ACTN4: variants seen among roughly 807,000 people sequenced by gnomAD.
The protein encoded by ACTN4 is alpha-actinin-4.
ACTN4 carries 18 observed loss-of-function variants against 114.2 expected under a neutral mutation model. The observed-to-expected ratio is 0.16, with a 90% CI of 0.11 to 0.23. ACTN4 has a LOEUF of 0.23. Ranked by LOEUF, ACTN4 falls within the 10% of genes least tolerant of loss-of-function variation. The pLI is 1.00. For synonymous variants in ACTN4, 515 were observed against 506.3 expected, an observed-to-expected ratio of 1.02 and a Z score of -0.23; for missense variants, 722 against 1,262.9, an observed-to-expected ratio of 0.57 and a Z score of 6.49.
intron 1 of ACTN4, among the ~76,000 whole-genome samples, chr19:38,650,260 T>C (rs1976519918): frequency 6.6e-6 from 1 of 152,162 alleles, no homozygotes; most frequent in Admixed American, 6.5e-5. Flanking sequence ...TGACTCCTTT[T>C]GCGAGCCGGG....
intron 1 of ACTN4, among the ~76,000 whole-genome samples, chr19:38,676,847 G>A (rs898216940): frequency 9.2e-5 from 14 of 152,196 alleles, no homozygotes; most frequent in African/African-American, 3.1e-4. Context: ...AGCTCCTGGC[G>A]GGTTTCCCTG....
At chr19:38,705,103 A>G in intron 4 of ACTN4, 83 bp downstream of exon 4, 1 of 1,302,226 alleles carries the variant, frequency 7.7e-7, no homozygotes, top group Non-Finnish European at 1.1e-6. Flanking sequence ...TTCATGCTTC[A>G]AGCCTCTTCC....
At position 38,727,211 on chromosome 19, in the gene ACTN4, T is replaced by C. The variant is rs1777803494; in HGVS notation, c.2337+108T>C. The C allele has an allele frequency of 1.3e-6, 2 of 1,511,380 alleles. No individual in the cohort carries two copies. Among genetic ancestry groups the C allele is most frequent in the African/African-American group, 2.8e-5 (2 of 72,406 alleles). 93.6% of individuals were successfully genotyped at this position (1,511,380 alleles called of 1,614,324 possible). A position where few individuals can be genotyped will look rare whatever the true frequency, so the allele number is the denominator to read the frequency against. On this transcript the variant is annotated intron_variant, in intron 18 of 20. Coordinates refer to ENST00000252699, the MANE Select transcript of ACTN4 (RefSeq NM_004924.6). The surrounding 1 kb of genome is among the most constrained non-coding windows in gnomAD (Gnocchi z 5.4). ...CCATTCCCATCACAGTTGCTGAGCG[T>C]CGGCCGCCACTCCCAGGGCCAGCAG...
At position 38,701,006 on chromosome 19, in the gene ACTN4, G is replaced by A. The variant is rs748106618; in HGVS notation, c.282G>A (p.Glu94=). The part of the protein sequence containing the change: ...LMLLLEVISG[E]RLPKPERGKM... Reference sequence around the variant, plus strand: ...TTCTCTTTGTGCACTTCTCAGGGGAGCGGTTACCTAAGCCGGAGCGGGGGA... The same window carrying A: ...TTCTCTTTGTGCACTTCTCAGGGGAACGGTTACCTAAGCCGGAGCGGGGGA... Residue 94 remains glutamate (E), a synonymous_variant, in exon 3 of 21, where the codon GAG becomes GAA. Coordinates refer to ENST00000252699, the MANE Select transcript of ACTN4 (RefSeq NM_004924.6). The A allele has an allele frequency of 6.2e-7, 1 of 1,613,952 alleles. No individual in the cohort carries two copies. Among genetic ancestry groups the A allele is most frequent in the Non-Finnish European group, 8.5e-7 (1 of 1,180,042 alleles).
rs962680957 is a variant in ACTN4 at position 38,710,168 on chromosome 19, C to CGT, written c.734-87_734-86dup. The stretch of plus-strand genomic sequence containing the variant: ...TCTGCAGGTCCCTCTCCCCCAAGGC[C>CGT]GTGGCCTTGGGAGCCCGTGGATCCC... On this transcript the variant is annotated intron_variant, in intron 7 of 20. Transcript: ENST00000252699. 19 of 1,394,386 alleles carry CGT rather than the reference C, an allele frequency of 1.4e-5. No homozygotes were observed. In the African/African-American group the frequency reaches 2.3e-4, roughly 17 times the overall value. 86.4% of individuals were successfully genotyped at this position (1,394,386 alleles called of 1,614,324 possible). A position where few individuals can be genotyped will look rare whatever the true frequency, so the allele number is the denominator to read the frequency against.
At position 38,673,663 on chromosome 19, in the gene ACTN4, ATTATATATATTTATATAT is replaced by A. The variant is rs1568690556; in HGVS notation, c.162+25768_162+25785del. Among the ~76,000 whole-genome samples the A allele has an allele frequency of 5.1e-3, 76 of 14,908 alleles. 7 individuals are homozygous for A. The highest frequency in any genetic ancestry group is 0.011 in the African/African-American group (73 of 6,722). 9.8% of individuals were successfully genotyped at this position (14,908 alleles called of 152,430 possible). On this transcript the variant is annotated intron_variant, in intron 1 of 20. Coordinates refer to ENST00000252699, the MANE Select transcript of ACTN4 (RefSeq NM_004924.6). The stretch of plus-strand genomic sequence containing the variant: ...TATATATATTTATATATTTATATAT[ATTATATATATTTATATAT>A]TTATATATATTATATATATTTATAT...
Position 38,724,089 on chromosome 19 carries a change from CCGG to C in ACTN4, c.1692+14_1692+16del, listed in dbSNP as rs1969143884. On this transcript the variant is annotated intron_variant, in intron 14 of 20. Coordinates refer to ENST00000252699, the MANE Select transcript of ACTN4 (RefSeq NM_004924.6). The surrounding 1 kb of genome is among the most constrained non-coding windows in gnomAD (Gnocchi z 7.0). Reference sequence around the variant, plus strand: ...TCGAGGAGATTGAGGTTCGCACCCCCCGGCCCCCCATCTTCCCAAGAGCCTCTG... The same window carrying C: ...TCGAGGAGATTGAGGTTCGCACCCCCCCCCCCATCTTCCCAAGAGCCTCTG... 1 of 1,613,666 alleles carries C rather than the reference CCGG, an allele frequency of 6.2e-7. No individual in the cohort carries two copies. The highest frequency in any genetic ancestry group is 1.6e-4 in the Middle Eastern group (1 of 6,062).
chr19:38,726,935 T>A (rs1568749245), intron 17 of ACTN4, 22 bp from the exon 18 acceptor site: 2 of 1,613,248 alleles, frequency 1.2e-6, no homozygotes, highest in Non-Finnish European at 1.7e-6. Context: ...CGGCCCACGA[T>A]CACGCCCCCG....
At chr19:38,721,411 C>T (rs1969035905) in intron 11 of ACTN4, 127 bp from the exon 12 acceptor site, 1 of 1,151,410 alleles carries the variant, frequency 8.7e-7, no homozygotes. Context: ...TTCCATGCCA[C>T]TGTCATTGGC....
intron 11 of ACTN4, among the ~76,000 whole-genome samples, chr19:38,718,763 G>A (rs1210127629): frequency 6.6e-6 from 1 of 152,144 alleles, no homozygotes; most frequent in Non-Finnish European, 1.5e-5. Flanking sequence ...GAGTGTGTGG[G>A]GCAGGCCTCT....
At chr19:38,658,261 A>G (rs1976769875) in intron 1 of ACTN4, among the ~76,000 whole-genome samples, 1 of 152,210 alleles carries the variant, frequency 6.6e-6, no homozygotes. Context: ...TTTGTAGCCT[A>G]GAAGAGTGCT....
At chr19:38,681,424 G>C (rs1967572658) in intron 1 of ACTN4, among the ~76,000 whole-genome samples, 1 of 152,120 alleles carries the variant, frequency 6.6e-6, no homozygotes, top group African/African-American at 2.4e-5. Flanking sequence ...CCACTGCCCA[G>C]AGAGCAGGTT....
At chr19:38,720,753 G>A (rs942902880) in intron 11 of ACTN4, among the ~76,000 whole-genome samples, 6 of 152,250 alleles carry the variant, frequency 3.9e-5, no homozygotes, top group Non-Finnish European at 8.8e-5. Context: ...CACTGGGCGG[G>A]CAGCTGTCAG....
intron 1 of ACTN4, among the ~76,000 whole-genome samples, chr19:38,663,462 A>T (rs1004224917): frequency 1.3e-5 from 2 of 152,132 alleles, no homozygotes; most frequent in Non-Finnish European, 2.9e-5. Context: ...AGGACACTAA[A>T]CGGCACACCG....
At chr19:38,676,324 G>T (rs1599784762) in intron 1 of ACTN4, among the ~76,000 whole-genome samples, 1 of 152,224 alleles carries the variant, frequency 6.6e-6, no homozygotes. Flanking sequence ...AAGATTCCTG[G>T]AAAGAAGCAG....
At chr19:38,694,880 G>C (rs776372859) in intron 1 of ACTN4, among the ~76,000 whole-genome samples, 3 of 134,886 alleles carry the variant, frequency 2.2e-5, no homozygotes, top group Non-Finnish European at 5.0e-5. Context: ...GTAATTTTGC[G>C]GGGGGGCGGG....
chr19:38,661,182 A>T (rs973935702), intron 1 of ACTN4, among the ~76,000 whole-genome samples: 4 of 152,190 alleles, frequency 2.6e-5, no homozygotes, highest in African/African-American at 9.7e-5. Context: ...AGTCCCTCTT[A>T]GATGCCAGTA....
In ACTN4 at chr19:38,708,334, C is replaced by T. The variant is rs11669227; in HGVS notation, c.651+139C>T. ...ACGCAGATGGGCAGCCTGGGAGAGC[C>T]TTGTGCAGGCTCTCCGCAACCCCTG... On this transcript the variant is annotated intron_variant, in intron 6 of 20. Coordinates refer to ENST00000252699, the MANE Select transcript of ACTN4 (RefSeq NM_004924.6). 545 of 911,942 alleles carry T rather than the reference C, an allele frequency of 6.0e-4. 3 individuals are homozygous for T. In the African/African-American group the frequency reaches 8.3e-3, roughly 14 times the overall value. 56.5% of individuals were successfully genotyped at this position (911,942 alleles called of 1,614,324 possible).
rs529756332 is a variant in ACTN4 at position 38,719,842 on chromosome 19, C to A, written c.1292-1696C>A. On this transcript the variant is annotated intron_variant, in intron 11 of 20. Transcript: ENST00000252699. Reference sequence around the variant, plus strand: ...GAGGCCAAGGGGCTGGGTGTGGTGGCCCCACTGGCATTCCTCCCCTGGGAA... The same window carrying A: ...GAGGCCAAGGGGCTGGGTGTGGTGGACCCACTGGCATTCCTCCCCTGGGAA... Among the ~76,000 whole-genome samples the A allele has an allele frequency of 5.3e-5, 8 of 152,314 alleles. No homozygotes were observed. The South Asian group carries it at 1.0e-3, about 20-fold the overall frequency.
Sources: gnomAD v4.1 joint callset for allele counts (sites outside exome capture counted in the v4.1 genomes callset) on GRCh38, gnomAD v4.1.1 for gene constraint, Gnocchi (gnomAD v3.1) non-coding constraint, MANE v1.5 for transcripts, NCBI Gene and HGNC (gene_info 2026-07-23, HGNC 2026-07-21) for gene names.